Variants in EXT1 observed in about 807,000 individuals in gnomAD.
The protein encoded by EXT1 is exostosin glycosyltransferase 1.
A neutral mutation model predicts 82.5 loss-of-function variants in EXT1; 20 were observed. The observed-to-expected ratio is 0.24, with a 90% confidence interval of 0.17 to 0.35. The LOEUF is 0.35. EXT1 is among the 10% of genes least tolerant of loss of function. The pLI is 1.00. For missense variants in EXT1, 757 were observed against 936.5 expected, an observed-to-expected ratio of 0.81 and a Z score of 2.50; for synonymous variants, 348 against 350.8, an observed-to-expected ratio of 0.99 and a Z score of 0.09.
intron 1 of EXT1, among the ~76,000 whole-genome samples, chr8:117,853,877 C>T (rs960683551): frequency 2.0e-5 from 3 of 152,170 alleles, no homozygotes; most frequent in Non-Finnish European, 4.4e-5. Context: ...AGCATCTCTA[C>T]GAAGAAGGAA....
intron 9 of EXT1, among the ~76,000 whole-genome samples, chr8:117,806,212 G>A (rs917973805): frequency 3.3e-5 from 5 of 152,028 alleles, no homozygotes; most frequent in African/African-American, 9.7e-5. Flanking sequence ...TTCAACTCTG[G>A]GTCTGTTATA....
At chr8:117,968,398 G>A (rs1354056336) in intron 1 of EXT1, among the ~76,000 whole-genome samples, 2 of 152,096 alleles carry the variant, frequency 1.3e-5, no homozygotes, top group African/African-American at 4.8e-5. Flanking sequence ...GGGATTATAG[G>A]TGTGAGTCAC....
In EXT1 at chr8:117,804,912, G is replaced by A. The variant is rs2129694331; in HGVS notation, c.1884-19C>T. Reference sequence around the variant, plus strand: ...ATAATATCTGTAAAAATCAAAGATGGGTTTCACAGGGGGCCATTATCACAT... The same window carrying A: ...ATAATATCTGTAAAAATCAAAGATGAGTTTCACAGGGGGCCATTATCACAT... On this transcript the variant is annotated intron_variant, in intron 9 of 10. Coordinates refer to ENST00000378204, the MANE Select transcript of EXT1 (RefSeq NM_000127.3). 1 of 1,613,404 alleles carries A rather than the reference G, an allele frequency of 6.2e-7. No individual in the cohort carries two copies. Among genetic ancestry groups the A allele is most frequent in the Non-Finnish European group, 8.5e-7 (1 of 1,179,484 alleles).
At chr8:117,964,872 G>A (rs4876779) in intron 1 of EXT1, among the ~76,000 whole-genome samples, 55,709 of 151,794 alleles carry the variant, frequency 0.37, 10,902 homozygotes, top group Admixed American at 0.46. Flanking sequence ...TCCTGACCTC[G>A]GGTGATCTGC....
At chr8:117,997,448 T>C (rs1815570734) in intron 1 of EXT1, among the ~76,000 whole-genome samples, 1 of 151,952 alleles carries the variant, frequency 6.6e-6, no homozygotes, top group South Asian at 2.1e-4. Context: ...TTTATATTTA[T>C]TTACAATAAG....
rs190709119 is a variant in EXT1, at chr8:117,910,232, A to G, written c.963-73031T>C. Among the ~76,000 whole-genome samples, 4 of 152,286 alleles carry G rather than the reference A, an allele frequency of 2.6e-5. No homozygotes were observed. The East Asian group carries it at 7.7e-4, about 29-fold the overall frequency. On this transcript the variant is annotated intron_variant, in intron 1 of 10. Transcript: ENST00000378204. Reference sequence around the variant, plus strand: ...CATTTTCACAAGCTCCAGTTAAACCACACGAGTAAGGGCATAGGAGGTCAA... The same window carrying G: ...CATTTTCACAAGCTCCAGTTAAACCGCACGAGTAAGGGCATAGGAGGTCAA...
At chr8:117,809,709 G>A (rs1823292898) in intron 8 of EXT1, among the ~76,000 whole-genome samples, 1 of 152,028 alleles carries the variant, frequency 6.6e-6, no homozygotes, top group Non-Finnish European at 1.5e-5. Context: ...TTGGTAGGGA[G>A]CACGTTATCT....
intron 1 of EXT1, among the ~76,000 whole-genome samples, chr8:118,050,453 C>T (rs1816699102): frequency 6.6e-6 from 1 of 152,156 alleles, no homozygotes; most frequent in African/African-American, 2.4e-5. Context: ...AAAGGCTGTG[C>T]TCTTTCTATT....
intron 5 of EXT1, among the ~76,000 whole-genome samples, chr8:117,820,435 T>C (rs1314783739): frequency 6.6e-6 from 1 of 152,156 alleles, no homozygotes; most frequent in South Asian, 2.1e-4. Context: ...ACACGTGTGA[T>C]CCCAGCAATT....
At chr8:118,107,330 G>C (rs1817818561) in intron 1 of EXT1, among the ~76,000 whole-genome samples, 1 of 152,064 alleles carries the variant, frequency 6.6e-6, no homozygotes, top group African/African-American at 2.4e-5. Context: ...GATGGAAACT[G>C]ATTGTGTTTT....
intron 1 of EXT1, among the ~76,000 whole-genome samples, chr8:117,955,245 C>T (rs112526756): frequency 1.3e-5 from 2 of 152,298 alleles, no homozygotes; most frequent in African/African-American, 4.8e-5. Flanking sequence ...CTCCAAACCT[C>T]ATAGTTTAGA....
intron 1 of EXT1, among the ~76,000 whole-genome samples, chr8:118,027,292 G>A (rs190042608): frequency 1.2e-3 from 179 of 150,048 alleles, no homozygotes; most frequent in Non-Finnish European, 2.3e-3. Context: ...AGGGGTTTTC[G>A]AGTTTCCAAA....
At chr8:117,830,142 T>G in intron 4 of EXT1, 88 bp downstream of exon 4, 1 of 1,575,118 alleles carries the variant, frequency 6.3e-7, no homozygotes, top group Non-Finnish European at 8.7e-7. Context: ...ACTGGACCAA[T>G]CACACATCCC....
At chr8:118,005,821 T>G (rs1240933610) in intron 1 of EXT1, among the ~76,000 whole-genome samples, 2 of 152,228 alleles carry the variant, frequency 1.3e-5, no homozygotes, top group African/African-American at 4.8e-5. Flanking sequence ...CTATGTATGC[T>G]TCTTCATTTA....
At chr8:117,803,308 C>T (rs543226795) in intron 10 of EXT1, among the ~76,000 whole-genome samples, 1 of 152,164 alleles carries the variant, frequency 6.6e-6, no homozygotes, top group East Asian at 1.9e-4. Context: ...AATTCTCGTG[C>T]CTCAGCCACC....
chr8:118,024,240 G>A (rs966214418), intron 1 of EXT1, among the ~76,000 whole-genome samples: 5 of 152,166 alleles, frequency 3.3e-5, no homozygotes, highest in African/African-American at 9.7e-5. Context: ...TTTCCTTGAC[G>A]GTGCCTATGA....
At chr8:117,987,093 T>G (rs1383833114) in intron 1 of EXT1, among the ~76,000 whole-genome samples, 1 of 152,194 alleles carries the variant, frequency 6.6e-6, no homozygotes, top group Non-Finnish European at 1.5e-5. Context: ...GAACTTATGG[T>G]CGAAAATTTC....
chr8:118,073,321 C>G (rs1817130088), intron 1 of EXT1, among the ~76,000 whole-genome samples: 1 of 152,140 alleles, frequency 6.6e-6, no homozygotes, highest in Non-Finnish European at 1.5e-5. Context: ...CGGCATTCAT[C>G]AGAAATAGAT....
chr8:118,111,591 T>A lies in EXT1; in HGVS notation c.-545A>T, dbSNP rs1817904840. 1 of 421,482 alleles carries A rather than the reference T, an allele frequency of 2.4e-6. No individual in the cohort carries two copies. Among genetic ancestry groups the A allele is most frequent in the African/African-American group, 2.0e-5 (1 of 49,026 alleles). The allele number at this position is 421,482 out of a possible 1,614,324, so 26.1% of individuals were successfully genotyped here. On this transcript the variant is annotated 5_prime_UTR_variant, in exon 1 of 11. Transcript: ENST00000378204. ...AGCTGGGGCGCCGTAACCTCACAAATCCCTGCATCTCTCTTTATTCCCTTC... is the reference window on the plus strand; with the variant it reads ...AGCTGGGGCGCCGTAACCTCACAAAACCCTGCATCTCTCTTTATTCCCTTC...
Sources: gnomAD v4.1 joint callset for allele counts (sites outside exome capture counted in the v4.1 genomes callset) on GRCh38, gnomAD v4.1.1 for gene constraint, MANE v1.5 for transcripts, NCBI Gene and HGNC (gene_info 2026-07-23, HGNC 2026-07-21) for gene names.